Variants in FMN2 observed in about 807,000 individuals in gnomAD.
FMN2 encodes the protein formin-2.
A neutral mutation model predicts 142.3 loss-of-function variants in FMN2; 51 were observed. The ratio of observed to expected loss-of-function variants is 0.36; its 90% confidence interval spans 0.29 to 0.45. The LOEUF is 0.45. Among genes scored for constraint, FMN2 ranks in the 20% least tolerant of loss-of-function variants. The pLI, the probability that FMN2 is intolerant of heterozygous loss-of-function variation, is 1.00. For missense variants in FMN2, 1,936 were observed against 2,122.8 expected (o/e 0.91, Z 1.73); for synonymous variants, 882 against 869.8 (o/e 1.01, Z -0.25).
chr1:240,141,901 C>T (rs531798863), intron 2 of FMN2, among the ~76,000 whole-genome samples: 4 of 152,164 alleles, frequency 2.6e-5, no homozygotes, highest in South Asian at 2.1e-4. Flanking sequence ...TTGGGACATT[C>T]GGCCTGGGGG....
Position 240,411,502 on chromosome 1 carries a change from C to T in FMN2, c.4910+18940C>T, listed in dbSNP as rs1308032085. 4.7e-5 allele frequency among the ~76,000 whole-genome samples: 7 copies of T among 149,320 alleles called. No individual in the cohort carries two copies. In the South Asian group the frequency reaches 1.1e-3, roughly 23 times the overall value. On this transcript the variant is annotated intron_variant, in intron 15 of 17. Transcript: ENST00000319653. Reference sequence around the variant, plus strand: ...AGGAGAATCGCTTGAACCTGGGAGGCGGAGGTTGTAGTGAGCAGAGATGGT... The same window carrying T: ...AGGAGAATCGCTTGAACCTGGGAGGTGGAGGTTGTAGTGAGCAGAGATGGT...
chr1:240,473,170 G>A lies in FMN2; in HGVS notation c.5142+717G>A, dbSNP rs1397710414. 1.3e-5 allele frequency among the ~76,000 whole-genome samples: 2 copies of A among 152,124 alleles called. No homozygotes were observed. The highest frequency in any genetic ancestry group is 2.4e-5 in the African/African-American group (1 of 41,412). ...TGGGAAGCGCCAAGAGCAGTGTGAC[G>A]CTTTGCCCAGGGTGCCCAGACCCCG... On this transcript the variant is annotated intron_variant, in intron 17 of 17. Coordinates refer to ENST00000319653, the MANE Select transcript of FMN2 (RefSeq NM_020066.5). This position sits in a 1 kb window ranked among gnomAD's most constrained non-coding sequence, Gnocchi z 4.3.
chr1:240,177,768 C>A, intron 2 of FMN2, 153 bp from the exon 3 acceptor site: 1 of 566,724 alleles, frequency 1.8e-6, no homozygotes, highest in Non-Finnish European at 2.7e-6. Flanking sequence ...TAGGAATCTA[C>A]ACTGAATAGT....
intron 2 of FMN2, among the ~76,000 whole-genome samples, chr1:240,141,009 C>T (rs1223024323): frequency 1.3e-5 from 2 of 152,190 alleles, no homozygotes; most frequent in African/African-American, 2.4e-5. Flanking sequence ...GCTTTTTCCC[C>T]ATGCTGCACT....
At chr1:240,139,170 AT>A (rs1663075910) in intron 2 of FMN2, among the ~76,000 whole-genome samples, 2 of 152,112 alleles carry the variant, frequency 1.3e-5, no homozygotes, top group Non-Finnish European at 2.9e-5. Flanking sequence ...AGCCTTGGGG[AT>A]TTGGTTGCTC....
intron 2 of FMN2, among the ~76,000 whole-genome samples, chr1:240,123,960 G>A (rs10802839): frequency 0.54 from 81,748 of 152,020 alleles, 22,151 homozygotes; most frequent in Non-Finnish European, 0.57. Flanking sequence ...CACTTAGCAT[G>A]ATGTCCTTGA....
intron 6 of FMN2, among the ~76,000 whole-genome samples, chr1:240,249,433 CTCTAT>C (rs1294420064): frequency 1.3e-5 from 2 of 151,900 alleles, no homozygotes; most frequent in African/African-American, 4.8e-5. Context: ...TATCTGGGTT[CTCTAT>C]TCTTTTCCAT....
At chr1:240,249,199 C>G (rs968855444) in intron 6 of FMN2, among the ~76,000 whole-genome samples, 1 of 151,978 alleles carries the variant, frequency 6.6e-6, no homozygotes, top group Non-Finnish European at 1.5e-5. Context: ...AGTATTTTCC[C>G]TCTGTTTACT....
At position 240,183,834 on chromosome 1, in the gene FMN2, G is replaced by A. The variant is rs1665255759; in HGVS notation, c.1931-4373G>A. Among the ~76,000 whole-genome samples, 3 of 152,100 alleles carry A rather than the reference G, an allele frequency of 2.0e-5. No individual in the cohort carries two copies. In the South Asian group the frequency reaches 6.2e-4, roughly 31 times the overall value. ...CAATCATAAGTCATGCTATTTAAAT[G>A]AAGTTTAATGAATTCTGTTTCAGTT... On this transcript the variant is annotated intron_variant, in intron 3 of 17. Transcript: ENST00000319653.
intron 14 of FMN2, 97 bp from the exon 15 acceptor site, chr1:240,392,413 TA>T (rs1355865613): frequency 6.7e-5 from 58 of 870,044 alleles, no homozygotes; most frequent in Non-Finnish European, 1.8e-6. Flanking sequence ...ATAGAATTAA[TA>T]ATTAAAATAA....
At chr1:240,253,681 A>T (rs1668355476) in intron 6 of FMN2, among the ~76,000 whole-genome samples, 1 of 151,982 alleles carries the variant, frequency 6.6e-6, no homozygotes, top group Non-Finnish European at 1.5e-5. Flanking sequence ...TTTATTGTTT[A>T]TTTACATTGA....
intron 2 of FMN2, among the ~76,000 whole-genome samples, chr1:240,173,263 G>A (rs753538856): frequency 2.0e-5 from 3 of 152,112 alleles, no homozygotes; most frequent in Non-Finnish European, 4.4e-5. Flanking sequence ...AGTCATCATA[G>A]CACTGTCCAG....
At chr1:240,371,396 A>C (rs1672860753) in intron 14 of FMN2, among the ~76,000 whole-genome samples, 1 of 152,184 alleles carries the variant, frequency 6.6e-6, no homozygotes. Context: ...GCCATGAAGA[A>C]GAATCCTGAC....
intron 6 of FMN2, among the ~76,000 whole-genome samples, chr1:240,257,200 A>T (rs563783073): frequency 6.6e-6 from 1 of 152,174 alleles, no homozygotes; most frequent in African/African-American, 2.4e-5. Context: ...AAAAATATCT[A>T]TCTGTTCTGT....
chr1:240,459,716 CTAAAAA>C (rs1676377178), intron 16 of FMN2, among the ~76,000 whole-genome samples: 1 of 32,828 alleles, frequency 3.0e-5, no homozygotes, highest in African/African-American at 1.4e-4. Flanking sequence ...GACTCTGTCT[CTAAAAA>C]AAAAAAAAAA....
At chr1:240,469,190 G>A (rs113321073) in intron 16 of FMN2, among the ~76,000 whole-genome samples, 2 of 151,996 alleles carry the variant, frequency 1.3e-5, no homozygotes, top group Non-Finnish European at 2.9e-5. Flanking sequence ...CGTTTCTCAG[G>A]GTGGTCCTTA....
intron 2 of FMN2, among the ~76,000 whole-genome samples, chr1:240,173,030 G>C (rs1572018163): frequency 1.3e-5 from 2 of 152,028 alleles, no homozygotes; most frequent in East Asian, 3.9e-4. Context: ...CTGCCTCCCA[G>C]GTTCAAACAA....
chr1:240,466,879 A>C (rs1413754317), intron 16 of FMN2, among the ~76,000 whole-genome samples: 1 of 152,168 alleles, frequency 6.6e-6, no homozygotes, highest in East Asian at 1.9e-4. Context: ...GCTGGGGAGA[A>C]GCCTGCGACA....
At chr1:240,344,768 G>A (rs1017688849) in intron 13 of FMN2, among the ~76,000 whole-genome samples, 1 of 152,172 alleles carries the variant, frequency 6.6e-6, no homozygotes, top group African/African-American at 2.4e-5. Context: ...GGTGAAAACT[G>A]CAGCTAATTA....
Sources: allele counts gnomAD v4.1 joint callset (sites outside exome capture counted in the v4.1 genomes callset), GRCh38; gene constraint gnomAD v4.1.1; non-coding constraint Gnocchi (gnomAD v3.1); transcripts MANE v1.5; gene names NCBI Gene and HGNC (gene_info 2026-07-23, HGNC 2026-07-21).